PAFAH1B2: variants seen among roughly 807,000 people sequenced by gnomAD.
PAFAH1B2 encodes the protein platelet-activating factor acetylhydrolase IB subunit alpha2.
In PAFAH1B2, 8 loss-of-function variants were observed where a neutral mutation model predicts 28.0. The observed-to-expected ratio is 0.29, with a 90% CI of 0.17 to 0.52. PAFAH1B2 has a LOEUF of 0.52. PAFAH1B2 is among the 20% of genes least tolerant of loss of function. The pLI is 0.97. For missense variants in PAFAH1B2, 190 were observed against 282.6 expected, an observed-to-expected ratio of 0.67 and a Z score of 2.35; for synonymous variants, 104 against 103.2, an observed-to-expected ratio of 1.01 and a Z score of -0.05.
At chr11:117,146,445 T>C (rs933818696) in intron 1 of PAFAH1B2, among the ~76,000 whole-genome samples, 3 of 152,188 alleles carry the variant, frequency 2.0e-5, no homozygotes, top group African/African-American at 7.2e-5. Flanking sequence ...TTATTTTATG[T>C]GTCCATAAGA....
intron 1 of PAFAH1B2, among the ~76,000 whole-genome samples, chr11:117,150,735 A>G (rs1160014506): frequency 1.3e-5 from 2 of 152,150 alleles, no homozygotes; most frequent in Non-Finnish European, 2.9e-5. Flanking sequence ...GGCAAGGGAA[A>G]GAAAAAGATT....
Position 117,152,776 on chromosome 11 carries a change from C to A in PAFAH1B2, c.81+248C>A, listed in dbSNP as rs556767417. Among the ~76,000 whole-genome samples the A allele has an allele frequency of 2.7e-4, 41 of 152,076 alleles. No homozygotes were observed. The East Asian group carries it at 5.6e-3, about 21-fold the overall frequency. On this transcript the variant is annotated intron_variant, in intron 2 of 5. Transcript: ENST00000527958. ...TGCAAAGGGGCAATTAAAAAAAAAA[C>A]AAAACAAAACTCTAGGCTGGGCATG... is the stretch of plus-strand genomic sequence containing the variant.
At chr11:117,160,949 T>G (rs1371287997) in intron 3 of PAFAH1B2, among the ~76,000 whole-genome samples, 196 bp from the exon 4 acceptor site, 1 of 152,206 alleles carries the variant, frequency 6.6e-6, no homozygotes, top group African/African-American at 2.4e-5. Flanking sequence ...GACTCATTTC[T>G]TGAGCTGAGA....
chr11:117,168,626 C>T lies in PAFAH1B2; in HGVS notation c.*927C>T. 9.4e-7 allele frequency: 1 copy of T among 1,063,064 alleles called. No homozygotes were observed. Among genetic ancestry groups the T allele is most frequent in the African/African-American group, 1.6e-5 (1 of 60,860 alleles). The allele number at this position is 1,063,064 out of a possible 1,614,324, so 65.9% of individuals were successfully genotyped here. ...GCTATAGATTCTGTGTATTGCTGTT[C>T]ATATTCGGAGTTCTGGTTTTGTTTT... is the stretch of plus-strand genomic sequence containing the variant. On this transcript the variant is annotated 3_prime_UTR_variant, in exon 6 of 6. Transcript: ENST00000527958.
rs1428802659 is a variant in PAFAH1B2 at position 117,161,228 on chromosome 11, A to G, written c.255A>G (p.Leu85=). 6.3e-6 allele frequency: 10 copies of G among 1,586,282 alleles called. No homozygotes were observed. In the Middle Eastern group the frequency reaches 6.6e-4, roughly 105 times the overall value. The change falls in exon 4 of 6, where the codon CTA becomes CTG. Residue 85 remains leucine, a synonymous_variant. Transcript: ENST00000527958. The part of the protein sequence containing the change: ...GDTTRHVLWR[L]KNGELENIKP... ...CAACAAGACATGTTTTGTGGAGACT[A>G]AAGAATGGAGAACTGGAGAATATTA...
At chr11:117,167,229 G>C (rs564617240) in intron 5 of PAFAH1B2, among the ~76,000 whole-genome samples, 192 bp from the exon 6 acceptor site, 1 of 152,246 alleles carries the variant, frequency 6.6e-6, no homozygotes, top group South Asian at 2.1e-4. Context: ...TAAGGGACAG[G>C]AGGAAGGGAA....
Position 117,170,721 on chromosome 11 carries a change from C to T in PAFAH1B2, c.*3022C>T. On this transcript the variant is annotated 3_prime_UTR_variant, in exon 6 of 6. Transcript: ENST00000527958. ...TGTATGCTAAAGCCTGAAATATTGTCTGTGCTGTGGTGTATGAGCATTGCC... is the reference window on the plus strand; with the variant it reads ...TGTATGCTAAAGCCTGAAATATTGTTTGTGCTGTGGTGTATGAGCATTGCC... 2 of 1,050,206 alleles carry T rather than the reference C, an allele frequency of 1.9e-6. No individual in the cohort carries two copies. The highest frequency in any genetic ancestry group is 5.4e-5 in the East Asian group (1 of 18,528). 65.1% of individuals were successfully genotyped at this position (1,050,206 alleles called of 1,614,324 possible).
Position 117,146,838 on chromosome 11 carries a change from G to GA in PAFAH1B2, c.-8+2420_-8+2421insA, listed in dbSNP as rs1565258602. 5.0e-3 allele frequency among the ~76,000 whole-genome samples: 675 copies of GA among 135,890 alleles called. 13 individuals are homozygous for GA. Among genetic ancestry groups the GA allele is most frequent in the African/African-American group, 0.019 (618 of 31,946 alleles). The allele number at this position is 135,890 out of a possible 152,430, so 89.1% of individuals were successfully genotyped here. ...CAATATGGTGAGATCCCCATCTATT[G>GA]GAAAAAAAAAAAAAAAAGGTCAGGC... On this transcript the variant is annotated intron_variant, in intron 1 of 5. Coordinates refer to ENST00000527958, the MANE Select transcript of PAFAH1B2 (RefSeq NM_002572.4).
intron 5 of PAFAH1B2, among the ~76,000 whole-genome samples, chr11:117,164,280 G>A (rs572381733): frequency 1.3e-5 from 2 of 152,264 alleles, no homozygotes; most frequent in Admixed American, 6.5e-5. Flanking sequence ...GGTGGCAGGC[G>A]CCTGTAGTCC....
chr11:117,157,618 G>A (rs1311061131), intron 2 of PAFAH1B2, among the ~76,000 whole-genome samples: 2 of 152,176 alleles, frequency 1.3e-5, no homozygotes, highest in African/African-American at 2.4e-5. Flanking sequence ...TGAATGCAGA[G>A]TTTGAGAAAA....
chr11:117,169,931 C>T lies in PAFAH1B2; in HGVS notation c.*2232C>T. The T allele has an allele frequency of 9.5e-7, 1 of 1,053,338 alleles. No homozygotes were observed. The highest frequency in any genetic ancestry group is 1.1e-6 in the Non-Finnish European group (1 of 871,758). The allele number at this position is 1,053,338 out of a possible 1,614,324, so 65.2% of individuals were successfully genotyped here. ...TCTCTTGACTGAGGATCAAATATCC[C>T]TTTGTGAGCTGGCCCTCAGCTCCTT... On this transcript the variant is annotated 3_prime_UTR_variant, in exon 6 of 6. Coordinates refer to ENST00000527958, the MANE Select transcript of PAFAH1B2 (RefSeq NM_002572.4).
chr11:117,158,206 CT>C (rs1956295067), intron 2 of PAFAH1B2, among the ~76,000 whole-genome samples: 1 of 151,800 alleles, frequency 6.6e-6, no homozygotes, highest in Non-Finnish European at 1.5e-5. Flanking sequence ...TTTCTTTTTT[CT>C]TTCTTTCTTT....
At chr11:117,161,603 G>A (rs1458323775) in intron 4 of PAFAH1B2, among the ~76,000 whole-genome samples, 1 of 151,654 alleles carries the variant, frequency 6.6e-6, no homozygotes, top group African/African-American at 2.4e-5. Context: ...CCGCCTCCTG[G>A]GTTCAAGCGA....
At position 117,168,654 on chromosome 11, in the gene PAFAH1B2, C is replaced by T. The variant is rs1956576556; in HGVS notation, c.*955C>T. 3 of 1,062,634 alleles carry T rather than the reference C, an allele frequency of 2.8e-6. No homozygotes were observed. The highest frequency in any genetic ancestry group is 1.0e-4 in the East Asian group (2 of 19,906). The allele number at this position is 1,062,634 out of a possible 1,614,324, so 65.8% of individuals were successfully genotyped here. A position where few individuals can be genotyped will look rare whatever the true frequency, so the allele number is the denominator to read the frequency against. On this transcript the variant is annotated 3_prime_UTR_variant, in exon 6 of 6. Coordinates refer to ENST00000527958, the MANE Select transcript of PAFAH1B2 (RefSeq NM_002572.4). Reference sequence around the variant, plus strand: ...ATTCGGAGTTCTGGTTTTGTTTTTCCCTTAAAACCTGTTAACAGTTTTTTT... The same window carrying T: ...ATTCGGAGTTCTGGTTTTGTTTTTCTCTTAAAACCTGTTAACAGTTTTTTT...
chr11:117,151,230 TTTC>T (rs1476889008), intron 1 of PAFAH1B2, among the ~76,000 whole-genome samples: 5 of 50,686 alleles, frequency 9.9e-5, no homozygotes, highest in Non-Finnish European at 1.5e-4. Flanking sequence ...ATTTTTTCTT[TTTC>T]TTTTTTTTTT....
chr11:117,144,290 G>C lies in PAFAH1B2; in HGVS notation c.-136G>C. 2.7e-6 allele frequency: 1 copy of C among 375,912 alleles called. No homozygotes were observed. The highest frequency in any genetic ancestry group is 5.5e-6 in the Non-Finnish European group (1 of 181,336). 23.3% of individuals were successfully genotyped at this position (375,912 alleles called of 1,614,324 possible). On this transcript the variant is annotated 5_prime_UTR_variant, in exon 1 of 6. Transcript: ENST00000527958. ...GAGTGGCAGGGGAACCGGAAGTGGA[G>C]GAGCTGCTGCTGGTGCTGGGGCCGG...
intron 1 of PAFAH1B2, among the ~76,000 whole-genome samples, chr11:117,144,669 A>AT (rs1172513354): frequency 1.3e-5 from 2 of 152,040 alleles, no homozygotes; most frequent in African/African-American, 4.8e-5. Flanking sequence ...CCATACCGAA[A>AT]GCTGGCGTTT....
chr11:117,168,446 G>GGTTGTTTTT lies in PAFAH1B2; in HGVS notation c.*747_*748insGTTGTTTTT. The GGTTGTTTTT allele has an allele frequency of 4.3e-5, 10 of 234,806 alleles. No individual in the cohort carries two copies. The highest frequency in any genetic ancestry group is 9.1e-5 in the African/African-American group (1 of 10,944). 14.5% of individuals were successfully genotyped at this position (234,806 alleles called of 1,614,324 possible). On this transcript the variant is annotated 3_prime_UTR_variant, in exon 6 of 6. Transcript: ENST00000527958. ...TCCCCTTCATTCCCCCCGCCACCCCGTTTTTTTTTTTTTTTTTTTTTTTTT... is the reference window on the plus strand; with the variant it reads ...TCCCCTTCATTCCCCCCGCCACCCCGGTTGTTTTTTTTTTTTTTTTTTTTTTTTTTTTTT...
At chr11:117,159,444 T>C (rs1416570956) in intron 2 of PAFAH1B2, 1 of 152,032 alleles carries the variant, frequency 6.6e-6, no homozygotes, top group African/African-American at 2.4e-5. Flanking sequence ...TTAAAAAAAT[T>C]TTTTTTTGGC....
Sources: allele counts gnomAD v4.1 joint callset (sites outside exome capture counted in the v4.1 genomes callset), GRCh38; gene constraint gnomAD v4.1.1; transcripts MANE v1.5; gene names NCBI Gene and HGNC (gene_info 2026-07-23, HGNC 2026-07-21).